The following BNC2 variants were observed in gnomAD, a reference collection of about 807,000 sequenced individuals.
The protein encoded by BNC2 is zinc finger protein basonuclin-2.
A neutral mutation model predicts 76.3 loss-of-function variants in BNC2; 20 were observed. The ratio of observed to expected loss-of-function variants is 0.26; its 90% CI spans 0.18 to 0.38. The LOEUF (loss-of-function observed/expected upper bound fraction) is 0.38, where lower values mean the gene tolerates loss of function less well. Ranked by LOEUF, BNC2 falls within the 10% of genes least tolerant of loss-of-function variation. The pLI, the probability that BNC2 is intolerant of heterozygous loss-of-function variation, is 1.00. For missense variants in BNC2, 1,382 were observed against 1,399.8 expected, an observed-to-expected ratio of 0.99 and a Z score of 0.20; for synonymous variants, 582 against 514.8, an observed-to-expected ratio of 1.13 and a Z score of -1.77.
intron 5 of BNC2, among the ~76,000 whole-genome samples, chr9:16,488,478 G>A (rs909678301): frequency 1.3e-5 from 2 of 152,136 alleles, no homozygotes; most frequent in African/African-American, 4.8e-5. Context: ...AATATTCACA[G>A]TATTTCTACA....
intron 4 of BNC2, among the ~76,000 whole-genome samples, chr9:16,573,221 CAAAAA>C (rs5896694): frequency 3.1e-5 from 3 of 96,572 alleles, no homozygotes; most frequent in African/African-American, 1.2e-4. Context: ...GACCCTGTCT[CAAAAA>C]AAAAAAAAAA....
chr9:16,723,325 A>C (rs1824219802), intron 3 of BNC2, among the ~76,000 whole-genome samples: 1 of 152,124 alleles, frequency 6.6e-6, no homozygotes, highest in African/African-American at 2.4e-5. Flanking sequence ...TTAAATAAGA[A>C]TATACATCCT....
intron 4 of BNC2, among the ~76,000 whole-genome samples, chr9:16,556,371 G>A (rs531837117): frequency 7.1e-4 from 108 of 152,034 alleles, no homozygotes; most frequent in African/African-American, 2.4e-3. Context: ...ATGAAAAGGC[G>A]GACTAGATAT....
intron 3 of BNC2, among the ~76,000 whole-genome samples, chr9:16,664,280 G>A (rs568161078): frequency 6.6e-6 from 1 of 152,184 alleles, no homozygotes; most frequent in South Asian, 2.1e-4. Context: ...TCCTTCCCTG[G>A]CTGGCATCTA....
chr9:16,779,057 T>C (rs530343574), intron 1 of BNC2, among the ~76,000 whole-genome samples: 3 of 148,026 alleles, frequency 2.0e-5, no homozygotes, highest in South Asian at 2.1e-4. Context: ...GGATGGTTGA[T>C]TGCTTGCGGT....
In BNC2 at chr9:16,524,038, G is replaced by C. The variant is rs148843088; in HGVS notation, c.669+28492C>G. On this transcript the variant is annotated intron_variant, in intron 5 of 6. Coordinates refer to ENST00000380672, the MANE Select transcript of BNC2 (RefSeq NM_017637.6). ...AAAAAAACAAAACACCACCATATGA[G>C]ATTATGCTGTGAAATAAGCTGCTTC... is the stretch of plus-strand genomic sequence containing the variant. Among the ~76,000 whole-genome samples, 870 of 152,240 alleles carry C rather than the reference G, an allele frequency of 5.7e-3. 11 individuals carry two copies. The highest frequency in any genetic ancestry group is 0.02 in the African/African-American group (826 of 41,546).
At chr9:16,699,363 G>A (rs1823440615) in intron 3 of BNC2, among the ~76,000 whole-genome samples, 1 of 152,098 alleles carries the variant, frequency 6.6e-6, no homozygotes, top group Non-Finnish European at 1.5e-5. Flanking sequence ...ACCATAAAAA[G>A]GTTCATAAAG....
chr9:16,502,806 G>A (rs1822548587), intron 5 of BNC2, among the ~76,000 whole-genome samples: 1 of 152,190 alleles, frequency 6.6e-6, no homozygotes, highest in Non-Finnish European at 1.5e-5. Context: ...GAAAGTCTGT[G>A]AATTGGTATA....
In BNC2 at chr9:16,578,114, C is replaced by A. The variant is rs116233014; in HGVS notation, c.433+4869G>T. Among the ~76,000 whole-genome samples, 266 of 152,054 alleles carry A rather than the reference C, an allele frequency of 1.7e-3. 2 individuals carry two copies. The highest frequency in any genetic ancestry group is 6.3e-3 in the African/African-American group (261 of 41,466). On this transcript the variant is annotated intron_variant, in intron 4 of 6. Transcript: ENST00000380672. ...TTCATCAGAAGAAAAAGTTACTGAT[C>A]TAGTTTAAAAAAAAATTCTAAATGA... is the stretch of plus-strand genomic sequence containing the variant.
At chr9:16,629,821 G>A (rs1317769646) in intron 3 of BNC2, among the ~76,000 whole-genome samples, 3 of 152,336 alleles carry the variant, frequency 2.0e-5, no homozygotes, top group South Asian at 2.1e-4. Flanking sequence ...TCAGTGAGGT[G>A]TAATCTTTTT....
Position 16,519,956 on chromosome 9 carries a change from T to A in BNC2, c.669+32574A>T, listed in dbSNP as rs375333116. ...ACACTGGCAGGGACCAGTGCCATAG[T>A]TCCTGGGACCAAACATGGCAAGGCC... On this transcript the variant is annotated intron_variant, in intron 5 of 6. Coordinates refer to ENST00000380672, the MANE Select transcript of BNC2 (RefSeq NM_017637.6). 1.3e-4 allele frequency among the ~76,000 whole-genome samples: 20 copies of A among 152,194 alleles called. No homozygotes were observed. The East Asian group carries it at 3.5e-3, about 27-fold the overall frequency.
intron 5 of BNC2, among the ~76,000 whole-genome samples, chr9:16,438,685 A>T (rs1186058408): frequency 6.6e-6 from 1 of 152,176 alleles, no homozygotes; most frequent in Non-Finnish European, 1.5e-5. Context: ...TGAATTTAAG[A>T]AAGCAAAGAA....
chr9:16,636,943 A>AT (rs958088068), intron 3 of BNC2, among the ~76,000 whole-genome samples: 40 of 149,192 alleles, frequency 2.7e-4, no homozygotes, highest in Admixed American at 1.7e-3. Flanking sequence ...ATATATATGT[A>AT]TTTTTTTTTT....
intron 5 of BNC2, among the ~76,000 whole-genome samples, chr9:16,469,338 T>G (rs866883791): frequency 7.2e-5 from 11 of 152,208 alleles, no homozygotes; most frequent in African/African-American, 2.2e-4. Flanking sequence ...GGGGCTGGTC[T>G]TTCCCATGCT....
intron 1 of BNC2, among the ~76,000 whole-genome samples, chr9:16,767,717 C>A (rs945059333): frequency 6.6e-6 from 1 of 152,148 alleles, no homozygotes; most frequent in Non-Finnish European, 1.5e-5. Context: ...ATGTATTATA[C>A]AAACGTAAAC....
chr9:16,805,616 CT>C (rs1207602037), intron 1 of BNC2, among the ~76,000 whole-genome samples: 1 of 152,178 alleles, frequency 6.6e-6, no homozygotes, highest in Non-Finnish European at 1.5e-5. Flanking sequence ...GCGTGAGCCA[CT>C]GTGCCTGGCA....
At chr9:16,689,219 T>C (rs969178328) in intron 3 of BNC2, among the ~76,000 whole-genome samples, 8 of 83,904 alleles carry the variant, frequency 9.5e-5, no homozygotes, top group Non-Finnish European at 1.1e-4. Context: ...AAAGAAGACA[T>C]AAAAAGCTCC....
At chr9:16,711,154 AG>A (rs1823831031) in intron 3 of BNC2, among the ~76,000 whole-genome samples, 1 of 152,164 alleles carries the variant, frequency 6.6e-6, no homozygotes, top group Non-Finnish European at 1.5e-5. Flanking sequence ...GGCAAGGGGA[AG>A]AAAGAAAGAG....
rs1158737771 is a variant in BNC2 at position 16,416,571 on chromosome 9, G to A, written c.*2418C>T. ...ATTCAAAGTACAAGAAAACAAAAAC[G>A]ATTATTACTAATTCCTCAGCTTTTT... is the stretch of plus-strand genomic sequence containing the variant. On this transcript the variant is annotated 3_prime_UTR_variant, in exon 7 of 7. Transcript: ENST00000380672. The A allele has an allele frequency of 6.6e-6, 1 of 152,648 alleles. No individual in the cohort carries two copies. Among genetic ancestry groups the A allele is most frequent in the East Asian group, 1.9e-4 (1 of 5,178 alleles). The allele number at this position is 152,648 out of a possible 1,614,324, so 9.5% of individuals were successfully genotyped here.
Sources: allele counts gnomAD v4.1 joint callset (sites outside exome capture counted in the v4.1 genomes callset), GRCh38; gene constraint gnomAD v4.1.1; transcripts MANE v1.5; gene names NCBI Gene and HGNC (gene_info 2026-07-23, HGNC 2026-07-21).